Variants in GAPVD1 observed in about 807,000 individuals in gnomAD.
The protein encoded by GAPVD1 is GTPase activating protein and VPS9 domains 1, also known as GTPase-activating protein and VPS9 domain-containing protein 1.
GAPVD1 carries 35 observed loss-of-function variants against 155.5 expected under a neutral mutation model. The observed-to-expected ratio is 0.23, with a 90% CI of 0.17 to 0.30. The LOEUF (loss-of-function observed/expected upper bound fraction) is 0.30. GAPVD1 is among the 10% of genes least tolerant of loss of function. The probability of loss-of-function intolerance (pLI) is 1.00; values close to 1 mark genes in which losing one functional copy is unlikely to be tolerated. For missense variants in GAPVD1, 1,429 were observed against 1,775.7 expected, an observed-to-expected ratio of 0.80 and a Z score of 3.51; for synonymous variants, 636 against 619.7, an observed-to-expected ratio of 1.03 and a Z score of -0.39.
intron 2 of GAPVD1, among the ~76,000 whole-genome samples, chr9:125,293,869 TATATATA>T (rs1257280471): frequency 0.014 from 296 of 21,192 alleles, 19 homozygotes; most frequent in African/African-American, 0.066. Flanking sequence ...TATATATATA[TATATATA>T]TATATATATA....
Position 125,311,183 on chromosome 9 carries a change from G to T in GAPVD1, c.1442-1269G>T, listed in dbSNP as rs549653638. On this transcript the variant is annotated intron_variant, in intron 8 of 27. Transcript: ENST00000297933. ...TATTTTTCATCTGCTTATACACAGG[G>T]GAAAGAAACAAAAATAATTGAAGCC... Among the ~76,000 whole-genome samples the T allele has an allele frequency of 2.0e-5, 3 of 152,120 alleles. No homozygotes were observed. In the East Asian group the frequency reaches 5.8e-4, roughly 29 times the overall value.
At chr9:125,297,832 G>A (rs1003483917) in intron 3 of GAPVD1, among the ~76,000 whole-genome samples, 7 of 152,008 alleles carry the variant, frequency 4.6e-5, no homozygotes, top group African/African-American at 9.7e-5. Flanking sequence ...TGCAACCTCC[G>A]CCTACCAGGT....
At chr9:125,303,290 A>G (rs1841222384) in intron 5 of GAPVD1, among the ~76,000 whole-genome samples, 1 of 147,872 alleles carries the variant, frequency 6.8e-6, no homozygotes, top group African/African-American at 2.5e-5. Flanking sequence ...AAGTGCTGGG[A>G]TTACAGGCGT....
chr9:125,352,309 C>A (rs543462808), intron 23 of GAPVD1, among the ~76,000 whole-genome samples: 1 of 152,328 alleles, frequency 6.6e-6, no homozygotes, highest in East Asian at 1.9e-4. Context: ...CCATGAGGAC[C>A]CTGCCCCTGC....
intron 2 of GAPVD1, among the ~76,000 whole-genome samples, chr9:125,270,681 C>T (rs1465510883): frequency 4.6e-5 from 7 of 151,768 alleles, no homozygotes; most frequent in African/African-American, 1.2e-4. Flanking sequence ...CAGTGGCTCA[C>T]GCCTGTAATC....
At chr9:125,307,285 A>AC (rs11458332) in intron 6 of GAPVD1, 128 bp from the exon 7 acceptor site, 3 of 679,446 alleles carry the variant, frequency 4.4e-6, no homozygotes, top group Admixed American at 6.7e-5. Context: ...AAAAAAAAAA[A>AC]TTCAACATCT....
intron 2 of GAPVD1, among the ~76,000 whole-genome samples, chr9:125,277,056 A>T (rs1403968553): frequency 1.3e-5 from 2 of 152,104 alleles, no homozygotes; most frequent in African/African-American, 2.4e-5. Flanking sequence ...GTGAGCTACC[A>T]TGCCCAGCCT....
At chr9:125,312,398 AT>A (rs1842789416) in intron 8 of GAPVD1, 53 bp from the exon 9 acceptor site, 1 of 1,153,360 alleles carries the variant, frequency 8.7e-7, no homozygotes, top group Non-Finnish European at 1.2e-6. Flanking sequence ...TTAGCATACC[AT>A]TTTCTTCATT....
At chr9:125,293,844 A>AT (rs1839146995) in intron 2 of GAPVD1, among the ~76,000 whole-genome samples, 1 of 69,146 alleles carries the variant, frequency 1.4e-5, no homozygotes, top group Non-Finnish European at 2.5e-5. Flanking sequence ...TATATATAAA[A>AT]ATATATTTTA....
At chr9:125,349,908 A>G (rs1219492291) in intron 21 of GAPVD1, among the ~76,000 whole-genome samples, 1 of 151,922 alleles carries the variant, frequency 6.6e-6, no homozygotes, top group Non-Finnish European at 1.5e-5. Context: ...TTGTGGCGTC[A>G]TCAGCGTTTC....
chr9:125,283,278 C>T lies in GAPVD1; in HGVS notation c.-149-12180C>T, dbSNP rs556991404. 2.1e-4 allele frequency among the ~76,000 whole-genome samples: 32 copies of T among 152,016 alleles called. 2 individuals are homozygous for T. Among genetic ancestry groups the T allele is most frequent in the South Asian group, 8.3e-4 (4 of 4,828 alleles). ...TTCACCATGTTGGTCAGGCTGGTCT[C>T]GAACTCCTGACCTCAGATGATCCAT... On this transcript the variant is annotated intron_variant, in intron 2 of 27. Coordinates refer to ENST00000297933, the MANE Select transcript of GAPVD1 (RefSeq NM_001282680.3).
chr9:125,284,660 A>G (rs908554513), intron 2 of GAPVD1, among the ~76,000 whole-genome samples: 9 of 152,020 alleles, frequency 5.9e-5, no homozygotes, highest in Non-Finnish European at 1.2e-4. Context: ...TGAGAGGGAT[A>G]CATTCTGAGA....
intron 8 of GAPVD1, among the ~76,000 whole-genome samples, chr9:125,310,537 A>ATTT (rs10616987): frequency 2.5e-5 from 3 of 122,256 alleles, no homozygotes; most frequent in Non-Finnish European, 5.0e-5. Context: ...TTTTTTCTTG[A>ATTT]TTTTTTTTTT....
In GAPVD1 at chr9:125,354,621, A is replaced by T; in HGVS notation, c.3570-33A>T. On this transcript the variant is annotated intron_variant, in intron 23 of 27. Transcript: ENST00000297933. ...TTCAAAGAGAGTATGCACTGAATAT[A>T]TCTGATGTCATGCAAAGTATTTTTC... is the stretch of plus-strand genomic sequence containing the variant. 2.1e-6 allele frequency: 3 copies of T among 1,432,656 alleles called. 1 individual carries two copies. In the South Asian group the frequency reaches 3.5e-5, roughly 16 times the overall value. 88.7% of individuals were successfully genotyped at this position (1,432,656 alleles called of 1,614,324 possible). A position where few individuals can be genotyped will look rare whatever the true frequency, so the allele number is the denominator to read the frequency against.
intron 9 of GAPVD1, among the ~76,000 whole-genome samples, chr9:125,312,940 C>A (rs887609860): frequency 6.6e-6 from 1 of 152,104 alleles, no homozygotes; most frequent in African/African-American, 2.4e-5. Context: ...CCTGCCTCAG[C>A]CTCCTGAGTA....
intron 2 of GAPVD1, among the ~76,000 whole-genome samples, chr9:125,269,583 C>T (rs1052599012): frequency 4.7e-5 from 7 of 150,318 alleles, no homozygotes; most frequent in African/African-American, 1.5e-4. Context: ...GCTACCATGC[C>T]CTGCTCATTT....
chr9:125,351,996 C>T (rs1849355588), intron 23 of GAPVD1, among the ~76,000 whole-genome samples: 1 of 152,218 alleles, frequency 6.6e-6, no homozygotes. Flanking sequence ...CTAACTCAGC[C>T]TCCCAAAGTG....
chr9:125,330,162 C>T lies in GAPVD1; in HGVS notation c.2117C>T (p.Thr706Ile). The T allele has an allele frequency of 6.2e-7, 1 of 1,611,922 alleles. No homozygotes were observed. The highest frequency in any genetic ancestry group is 8.5e-7 in the Non-Finnish European group (1 of 1,178,188). Residue 706 changes from threonine (T) to isoleucine (I), a missense_variant, in exon 13 of 28, where the codon ACC (threonine) becomes ATC (isoleucine). Thr to Ile is a moderately conservative substitution (Grantham distance 89). Around this residue, in one of 4 missense-constraint regions of GAPVD1, gnomAD observed 699 missense variants for 826.0 expected, o/e 0.85. Coordinates refer to ENST00000297933, the MANE Select transcript of GAPVD1 (RefSeq NM_001282680.3). ...CTTCTTGACCCCTGCACTGGTTCTA[C>T]CATATCAGAGACAACAAGTGAAGCT... is the stretch of plus-strand genomic sequence containing the variant. ...SVLLDPCTGS[T>I]ISETTSEAWS...
chr9:125,330,087 C>T lies in GAPVD1; in HGVS notation c.2042C>T (p.Ala681Val). 2 of 1,608,886 alleles carry T rather than the reference C, an allele frequency of 1.2e-6. No individual in the cohort carries two copies. The highest frequency in any genetic ancestry group is 1.7e-6 in the Non-Finnish European group (2 of 1,177,760). The change falls in exon 13 of 28, where the codon GCA (alanine) becomes GTA (valine). Residue 681 changes from alanine (A) to valine (V), a missense_variant. Coordinates refer to ENST00000297933, the MANE Select transcript of GAPVD1 (RefSeq NM_001282680.3). The part of the protein sequence containing the change: ...DRLQEIAGAA[A>V]ENMLGSLLCL... ...CCCACTGGTTATACAGGTGCTGCAG[C>T]AGAGAACATGTTAGGCAGTTTGCTG...
Sources: gnomAD v4.1 joint callset for allele counts (sites outside exome capture counted in the v4.1 genomes callset) on GRCh38, gnomAD v4.1.1 for gene constraint, gnomAD v4.1.1 regional missense constraint, MANE v1.5 for transcripts, NCBI Gene and HGNC (gene_info 2026-07-23, HGNC 2026-07-21) for gene names.